Variants in IGSF11 observed in about 807,000 individuals in gnomAD.
IGSF11 encodes the protein CXADR like 1.
In IGSF11, 22 loss-of-function variants were observed where a neutral mutation model predicts 41.0. That is an observed-to-expected ratio of 0.54 (90% CI 0.38 to 0.77). The LOEUF is 0.77. Ranked by LOEUF, IGSF11 falls within the 30% of genes least tolerant of loss-of-function variation. The pLI, the probability that IGSF11 is intolerant of heterozygous loss-of-function variation, is 0.00. For missense variants in IGSF11, 444 were observed against 530.8 expected (o/e 0.84, Z 1.61); for synonymous variants, 219 against 201.3 (o/e 1.09, Z -0.74).
At chr3:119,026,126 T>C (rs1939799935) in intron 1 of IGSF11, among the ~76,000 whole-genome samples, 1 of 152,144 alleles carries the variant, frequency 6.6e-6, no homozygotes, top group Admixed American at 6.5e-5. Flanking sequence ...AAAATTCTTC[T>C]TAAAAATCTT....
chr3:118,904,608 T>C (rs1395097019), intron 6 of IGSF11, 40 bp downstream of exon 6: 2 of 1,436,712 alleles, frequency 1.4e-6, no homozygotes, highest in East Asian at 4.5e-5. Context: ...AAGTACACAA[T>C]GGCTATGCAG....
intron 1 of IGSF11, among the ~76,000 whole-genome samples, chr3:118,994,736 A>G (rs1936108204): frequency 6.6e-6 from 1 of 152,246 alleles, no homozygotes; most frequent in Non-Finnish European, 1.5e-5. Context: ...ACATATGCCC[A>G]TGGTTCCAGT....
chr3:119,117,247 T>C (rs1040629132), intron 1 of IGSF11, among the ~76,000 whole-genome samples: 3 of 151,784 alleles, frequency 2.0e-5, no homozygotes, highest in African/African-American at 7.3e-5. Flanking sequence ...GGGGGTTGTA[T>C]TAGTCTGTTT....
At chr3:119,088,885 T>C (rs900455660) in intron 1 of IGSF11, among the ~76,000 whole-genome samples, 5 of 152,086 alleles carry the variant, frequency 3.3e-5, no homozygotes, top group Non-Finnish European at 7.4e-5. Flanking sequence ...ACTCCCAAGA[T>C]TGAATCAGGA....
intron 1 of IGSF11, among the ~76,000 whole-genome samples, chr3:119,040,613 A>C (rs1443113950): frequency 6.6e-6 from 1 of 152,238 alleles, no homozygotes; most frequent in Admixed American, 6.5e-5. Context: ...AACATAGTCA[A>C]TTATTTTAAT....
upstream of IGSF11, among the ~76,000 whole-genome samples, chr3:119,108,252 C>T (rs2077072295): frequency 6.6e-6 from 1 of 150,568 alleles, no homozygotes; most frequent in Non-Finnish European, 1.5e-5. Flanking sequence ...TTTATATCCT[C>T]TTTTATTTCC....
intron 1 of IGSF11, among the ~76,000 whole-genome samples, chr3:119,050,925 T>C (rs1941596222): frequency 6.8e-6 from 1 of 146,812 alleles, no homozygotes; most frequent in Non-Finnish European, 1.5e-5. Context: ...ATATTCTCAC[T>C]CATAGGTGGG....
intron 1 of IGSF11, among the ~76,000 whole-genome samples, chr3:118,999,149 C>A (rs2107666273): frequency 6.6e-6 from 1 of 151,432 alleles, no homozygotes; most frequent in South Asian, 2.1e-4. Flanking sequence ...TGTGGGGAAA[C>A]AAATCGAGTG....
At chr3:119,094,965 C>A (rs189910530) in intron 1 of IGSF11, among the ~76,000 whole-genome samples, 14 of 151,982 alleles carry the variant, frequency 9.2e-5, no homozygotes, top group Non-Finnish European at 1.8e-4. Flanking sequence ...AGCCACCGAG[C>A]CTGGACAAGT....
intron 1 of IGSF11, among the ~76,000 whole-genome samples, chr3:119,042,590 T>C (rs251451): frequency 0.74 from 112,808 of 151,976 alleles, 42,926 homozygotes; most frequent in African/African-American, 0.92. Context: ...AACCACCTCC[T>C]ACCCCCCACA....
intron 1 of IGSF11, among the ~76,000 whole-genome samples, chr3:118,984,390 G>T (rs1241570244): frequency 6.6e-6 from 1 of 152,180 alleles, no homozygotes; most frequent in Non-Finnish European, 1.5e-5. Flanking sequence ...ATGAGATCAT[G>T]AACCTCCCAG....
At chr3:119,091,744 G>T (rs1350388929) in intron 1 of IGSF11, among the ~76,000 whole-genome samples, 1 of 152,070 alleles carries the variant, frequency 6.6e-6, no homozygotes, top group East Asian at 1.9e-4. Flanking sequence ...CCTCCTATCA[G>T]ATACTGTGCT....
chr3:118,997,052 G>C (rs1468569295), intron 1 of IGSF11, among the ~76,000 whole-genome samples: 1 of 152,194 alleles, frequency 6.6e-6, no homozygotes, highest in Non-Finnish European at 1.5e-5. Context: ...GTGTCTATGG[G>C]ATGTGCAAGG....
At chr3:118,999,165 G>A (rs892197173) in intron 1 of IGSF11, among the ~76,000 whole-genome samples, 2 of 151,878 alleles carry the variant, frequency 1.3e-5, no homozygotes, top group African/African-American at 4.8e-5. Context: ...GAGTGAATGG[G>A]GCCAGGATAT....
chr3:119,058,744 A>T (rs1299514102), intron 1 of IGSF11, among the ~76,000 whole-genome samples: 1 of 152,278 alleles, frequency 6.6e-6, no homozygotes, highest in East Asian at 1.9e-4. Flanking sequence ...ACAATGATAG[A>T]CTGGATTAAG....
intron 1 of IGSF11, among the ~76,000 whole-genome samples, chr3:119,092,396 C>T (rs1257019310): frequency 2.6e-5 from 4 of 151,752 alleles, no homozygotes; most frequent in East Asian, 1.9e-4. Flanking sequence ...AGTGCAGTGG[C>T]GCAATTTTGG....
intron 1 of IGSF11, among the ~76,000 whole-genome samples, chr3:118,958,530 A>T (rs1282720666): frequency 6.6e-6 from 1 of 152,192 alleles, no homozygotes; most frequent in African/African-American, 2.4e-5. Context: ...CAGTGGAAAA[A>T]AAACAAGAAA....
intron 1 of IGSF11, among the ~76,000 whole-genome samples, chr3:119,131,898 A>G (rs1351917508): frequency 3.9e-5 from 6 of 152,210 alleles, no homozygotes; most frequent in Non-Finnish European, 8.8e-5. Context: ...GCCAATATTC[A>G]ACACTCTTGA....
chr3:119,030,409 T>C (rs989965271), intron 1 of IGSF11, among the ~76,000 whole-genome samples: 7 of 152,176 alleles, frequency 4.6e-5, no homozygotes, highest in African/African-American at 9.7e-5. Context: ...TATTTGCAAA[T>C]TGGAAACCAA....
Sources: gnomAD v4.1 joint callset for allele counts (sites outside exome capture counted in the v4.1 genomes callset) on GRCh38, gnomAD v4.1.1 for gene constraint, MANE v1.5 for transcripts, NCBI Gene and HGNC (gene_info 2026-07-23, HGNC 2026-07-21) for gene names.